The following RIC8B variants were observed in gnomAD, a reference collection of about 807,000 sequenced individuals.
RIC8B encodes the protein RIC8 guanine nucleotide exchange factor B.
A neutral mutation model predicts 57.5 loss-of-function variants in RIC8B; 16 were observed. That is an observed-to-expected ratio of 0.28 (90% confidence interval 0.19 to 0.42). The LOEUF is 0.42. Among genes scored for constraint, RIC8B ranks in the 10% least tolerant of loss-of-function variants. The pLI, the probability that RIC8B is intolerant of heterozygous loss-of-function variation, is 1.00. For synonymous variants in RIC8B, 216 were observed against 250.8 expected (o/e 0.86, Z 1.31); for missense variants, 481 against 677.0 (o/e 0.71, Z 3.21).
intron 6 of RIC8B, 37 bp downstream of exon 6, chr12:106,843,984 CT>C (rs763089433): frequency 2.3e-6 from 3 of 1,333,252 alleles, no homozygotes; most frequent in South Asian, 1.2e-5. Flanking sequence ...CAAAGTTAGT[CT>C]TTTTATGTGC....
intron 7 of RIC8B, among the ~76,000 whole-genome samples, chr12:106,857,811 A>T (rs1016054074): frequency 1.3e-5 from 2 of 152,162 alleles, no homozygotes; most frequent in Non-Finnish European, 2.9e-5. Flanking sequence ...AATGCTTCTC[A>T]CTGTGAGGAT....
intron 1 of RIC8B, among the ~76,000 whole-genome samples, chr12:106,778,256 C>A (rs537062497): frequency 6.6e-6 from 1 of 152,148 alleles, no homozygotes; most frequent in African/African-American, 2.4e-5. Context: ...TGTCGGGCTC[C>A]GGGAAACATC....
intron 9 of RIC8B, among the ~76,000 whole-genome samples, chr12:106,880,609 T>G (rs995816572): frequency 6.6e-6 from 1 of 152,094 alleles, no homozygotes; most frequent in Non-Finnish European, 1.5e-5. Flanking sequence ...GGCTGTCTGG[T>G]GAAAAGGGGG....
chr12:106,842,763 G>A lies in RIC8B; in HGVS notation c.1011G>A (p.Met337Ile). 3.7e-6 allele frequency: 6 copies of A among 1,612,812 alleles called. No individual in the cohort carries two copies. The highest frequency in any genetic ancestry group is 5.1e-6 in the Non-Finnish European group (6 of 1,178,896). The change falls in exon 5 of 10, where the codon ATG (methionine) becomes ATA (isoleucine). Residue 337 changes from methionine (M) to isoleucine (I), a missense_variant. Coordinates refer to ENST00000392837, the MANE Select transcript of RIC8B (RefSeq NM_001330145.2). ...ACAATACCATGGTATACAATGGTAT[G>A]AATATGGAGGCCATTCATGTTTTAC... The part of the protein sequence containing the change: ...LKNNTMVYNG[M>I]NMEAIHVLLN...
intron 9 of RIC8B, among the ~76,000 whole-genome samples, chr12:106,873,396 A>G (rs1950531343): frequency 6.6e-6 from 1 of 152,204 alleles, no homozygotes; most frequent in Non-Finnish European, 1.5e-5. Flanking sequence ...AAACTGTATA[A>G]AGATCAGCAG....
rs143500689 is a variant in RIC8B, at chr12:106,864,493, A to G, written c.1451+4081A>G. The stretch of plus-strand genomic sequence containing the variant: ...CACAACAATCCTTTGAGGTATAATT[A>G]ATCTCATTTTATAGATGAGAAAACT... On this transcript the variant is annotated intron_variant, in intron 8 of 9. Coordinates refer to ENST00000392837, the MANE Select transcript of RIC8B (RefSeq NM_001330145.2). 3.1e-4 allele frequency among the ~76,000 whole-genome samples: 47 copies of G among 152,278 alleles called. 1 individual carries two copies. The highest frequency in any genetic ancestry group is 2.1e-3 in the East Asian group (11 of 5,180).
At chr12:106,822,875 A>G (rs2045916754) in intron 3 of RIC8B, 1 of 152,888 alleles carries the variant, frequency 6.5e-6, no homozygotes, top group South Asian at 2.1e-4. Flanking sequence ...TTATGATTCC[A>G]TACGTGTAAA....
chr12:106,787,964 C>T (rs992064848), intron 2 of RIC8B, among the ~76,000 whole-genome samples: 2 of 152,154 alleles, frequency 1.3e-5, no homozygotes, highest in African/African-American at 4.8e-5. Flanking sequence ...CAAAAGTCCA[C>T]AGTCCAAAGT....
At chr12:106,871,504 A>G in intron 9 of RIC8B, 1 of 148,078 alleles carries the variant, frequency 6.8e-6, no homozygotes, top group Non-Finnish European at 1.5e-5. Context: ...AAAAACCAAA[A>G]AACTCCCCTT....
chr12:106,799,928 G>T (rs1436882275), intron 2 of RIC8B, among the ~76,000 whole-genome samples: 1 of 152,132 alleles, frequency 6.6e-6, no homozygotes, highest in African/African-American at 2.4e-5. Context: ...ATTTCTCCCA[G>T]TTCTGAAGGC....
chr12:106,854,456 C>G (rs187752478), intron 7 of RIC8B, among the ~76,000 whole-genome samples: 101 of 152,242 alleles, frequency 6.6e-4, no homozygotes, highest in Admixed American at 1.2e-3. Flanking sequence ...TAGAGACAGA[C>G]AGTAAGCAGC....
chr12:106,780,773 A>G (rs1794972592), intron 1 of RIC8B, among the ~76,000 whole-genome samples: 1 of 152,236 alleles, frequency 6.6e-6, no homozygotes, highest in East Asian at 1.9e-4. Flanking sequence ...TATCTTTAGA[A>G]ATCTATGAAA....
intron 8 of RIC8B, among the ~76,000 whole-genome samples, chr12:106,861,006 T>A (rs974985556): frequency 1.3e-5 from 2 of 152,002 alleles, no homozygotes; most frequent in African/African-American, 4.8e-5. Flanking sequence ...GAGTCAGTGC[T>A]TAACAAATTA....
At chr12:106,838,700 A>G (rs574628059) in intron 4 of RIC8B, among the ~76,000 whole-genome samples, 1 of 152,300 alleles carries the variant, frequency 6.6e-6, no homozygotes. Context: ...GAAACTAGAA[A>G]ACTTCTGCAC....
chr12:106,783,531 C>G (rs2043859956), intron 1 of RIC8B, among the ~76,000 whole-genome samples: 1 of 152,226 alleles, frequency 6.6e-6, no homozygotes, highest in Non-Finnish European at 1.5e-5. Flanking sequence ...AAATCACTGT[C>G]CAGTCTACTT....
chr12:106,801,188 T>C (rs988409774), intron 2 of RIC8B, among the ~76,000 whole-genome samples: 2 of 152,212 alleles, frequency 1.3e-5, no homozygotes, highest in African/African-American at 4.8e-5. Context: ...TAGAAAGTTT[T>C]GACATACCCA....
chr12:106,840,679 A>G (rs1385555243), intron 4 of RIC8B, among the ~76,000 whole-genome samples: 2 of 152,236 alleles, frequency 1.3e-5, no homozygotes, highest in Non-Finnish European at 2.9e-5. Flanking sequence ...ACTTTTCTTG[A>G]AAAGCCTAAA....
rs398039963 is a variant in RIC8B at position 106,804,219 on chromosome 12, CT to C, written c.133-10464del. Among the ~76,000 whole-genome samples the C allele has an allele frequency of 2.3e-3, 336 of 143,312 alleles. 1 individual carries two copies. The highest frequency in any genetic ancestry group is 1.6e-3 in the Non-Finnish European group (108 of 65,870). The allele number at this position is 143,312 out of a possible 152,430, so 94.0% of individuals were successfully genotyped here. On this transcript the variant is annotated intron_variant, in intron 2 of 9. Coordinates refer to ENST00000392837, the MANE Select transcript of RIC8B (RefSeq NM_001330145.2). ...GTACTTTTTTTTCCTTCCTTTCTTT[CT>C]TTTTTTTTTTTTGAGACAGAGTCTC... is the stretch of plus-strand genomic sequence containing the variant.
At chr12:106,799,469 T>A (rs943523656) in intron 2 of RIC8B, among the ~76,000 whole-genome samples, 78 of 152,364 alleles carry the variant, frequency 5.1e-4, no homozygotes, top group African/African-American at 1.7e-3. Flanking sequence ...TGCCCAAGAT[T>A]ACCTAGCCAC....
Sources: allele counts gnomAD v4.1 joint callset (sites outside exome capture counted in the v4.1 genomes callset), GRCh38; gene constraint gnomAD v4.1.1; transcripts MANE v1.5; gene names NCBI Gene and HGNC (gene_info 2026-07-23, HGNC 2026-07-21).